The following DNMBP variants were observed in gnomAD, a reference collection of about 807,000 sequenced individuals.
The protein encoded by DNMBP is dynamin-binding protein.
A neutral mutation model predicts 150.0 loss-of-function variants in DNMBP; 87 were observed. That is an observed-to-expected ratio of 0.58 (90% CI 0.49 to 0.69). The LOEUF (loss-of-function observed/expected upper bound fraction) is 0.69, where lower values mean the gene tolerates loss of function less well. Ranked by LOEUF, DNMBP falls within the 30% of genes least tolerant of loss-of-function variation. The pLI, the probability that DNMBP is intolerant of heterozygous loss-of-function variation, is 0.00. For synonymous variants in DNMBP, 711 were observed against 750.4 expected, an observed-to-expected ratio of 0.95 and a Z score of 0.86; for missense variants, 1,774 against 1,949.0, an observed-to-expected ratio of 0.91 and a Z score of 1.69.
intron 4 of DNMBP, among the ~76,000 whole-genome samples, chr10:99,910,690 A>C (rs1368603791): frequency 6.6e-6 from 1 of 152,196 alleles, no homozygotes; most frequent in African/African-American, 2.4e-5. Flanking sequence ...AATGTGGGAG[A>C]AAGTGAAGAA....
chr10:99,940,569 G>A lies in DNMBP; in HGVS notation c.2260+14645C>T, dbSNP rs567525702. Among the ~76,000 whole-genome samples, 9 of 152,190 alleles carry A rather than the reference G, an allele frequency of 5.9e-5. No individual in the cohort carries two copies. In the East Asian group the frequency reaches 1.2e-3, roughly 20 times the overall value. Reference sequence around the variant, plus strand: ...GTGCCCATTCTAGTGGATCAGTCCCGTAAACTTATGAACGCGTACTAATGT... The same window carrying A: ...GTGCCCATTCTAGTGGATCAGTCCCATAAACTTATGAACGCGTACTAATGT... On this transcript the variant is annotated intron_variant, in intron 4 of 16. Coordinates refer to ENST00000324109, the MANE Select transcript of DNMBP (RefSeq NM_015221.4).
intron 9 of DNMBP, among the ~76,000 whole-genome samples, chr10:99,896,751 C>T (rs2039662444): frequency 6.6e-6 from 1 of 152,218 alleles, no homozygotes; most frequent in Non-Finnish European, 1.5e-5. Flanking sequence ...GAAAGCAATA[C>T]TTGTAAGGCC....
intron 4 of DNMBP, among the ~76,000 whole-genome samples, chr10:99,942,906 A>G (rs2040315822): frequency 6.6e-6 from 1 of 152,234 alleles, no homozygotes; most frequent in Non-Finnish European, 1.5e-5. Context: ...CACAAGTTGA[A>G]GATACTTGCT....
At chr10:99,948,951 G>A (rs975238150) in intron 4 of DNMBP, among the ~76,000 whole-genome samples, 45 of 149,090 alleles carry the variant, frequency 3.0e-4, no homozygotes, top group African/African-American at 1.1e-3. Flanking sequence ...CAACAAGAGT[G>A]AGACTCCATC....
At chr10:99,950,764 G>A (rs1044191148) in intron 4 of DNMBP, among the ~76,000 whole-genome samples, 1 of 152,200 alleles carries the variant, frequency 6.6e-6, no homozygotes, top group Non-Finnish European at 1.5e-5. Flanking sequence ...GGTGACTTGG[G>A]TGCTGTTAAA....
Position 99,877,092 on chromosome 10 carries a change from C to CTAA in DNMBP, c.*58_*59insTTA. The CTAA allele has an allele frequency of 1.4e-6, 2 of 1,383,394 alleles. No individual in the cohort carries two copies. The highest frequency in any genetic ancestry group is 9.5e-7 in the Non-Finnish European group (1 of 1,056,920). The allele number at this position is 1,383,394 out of a possible 1,614,324, so 85.7% of individuals were successfully genotyped here. ...AGCAGGCGCCCTCTCGGTGGGCCGCCAGAACCCTCGGCGGACTGAAAGCAA... is the reference window on the plus strand; with the variant it reads ...AGCAGGCGCCCTCTCGGTGGGCCGCCTAAAGAACCCTCGGCGGACTGAAAGCAA... On this transcript the variant is annotated 3_prime_UTR_variant, in exon 17 of 17. Transcript: ENST00000324109.
rs1398027594 is a variant in DNMBP, at chr10:99,888,898, T to C, written c.3212A>G (p.Glu1071Gly). 3 of 1,614,050 alleles carry C rather than the reference T, an allele frequency of 1.9e-6. No individual in the cohort carries two copies. The highest frequency in any genetic ancestry group is 1.3e-5 in the African/African-American group (1 of 74,914). Residue 1071 changes from glutamate (E) to glycine (G), a missense_variant, in exon 12 of 17, where the codon GAG becomes GGG. Around this residue, in one of 2 missense-constraint regions of DNMBP, gnomAD observed 1,430 missense variants for 1,492.5 expected, o/e 0.96. Coordinates refer to ENST00000324109, the MANE Select transcript of DNMBP (RefSeq NM_015221.4). ...AAVSMWDVCM[E>G]RGHRDLEQFE... is the part of the protein sequence containing the mutation. ...CTGCTCCAGGTCCCGGTGTCCTCTC[T>C]CCATGCACACATCCCACATGCTCAC... is the stretch of plus-strand genomic sequence containing the variant.
At chr10:100,006,630 A>T (rs1040482063) in intron 1 of DNMBP, among the ~76,000 whole-genome samples, 2 of 151,956 alleles carry the variant, frequency 1.3e-5, no homozygotes, top group African/African-American at 4.8e-5. Flanking sequence ...CCTTACAATG[A>T]CCTACACTGA....
At chr10:99,916,617 A>C (rs2039967628) in intron 4 of DNMBP, among the ~76,000 whole-genome samples, 1 of 151,758 alleles carries the variant, frequency 6.6e-6, no homozygotes, top group African/African-American at 2.4e-5. Flanking sequence ...GCAAAGAGGG[A>C]TAGGGGAGTA....
chr10:99,934,259 T>C (rs1340757573), intron 4 of DNMBP, among the ~76,000 whole-genome samples: 2 of 152,074 alleles, frequency 1.3e-5, no homozygotes, highest in Non-Finnish European at 1.5e-5. Context: ...AATAATTTCT[T>C]TTCTAGGCTA....
At chr10:99,948,577 C>T (rs1025599385) in intron 4 of DNMBP, among the ~76,000 whole-genome samples, 1 of 152,144 alleles carries the variant, frequency 6.6e-6, no homozygotes, top group Non-Finnish European at 1.5e-5. Context: ...AAAATGAGAA[C>T]CCATGTGACA....
intron 3 of DNMBP, 109 bp downstream of exon 3, chr10:99,969,006 C>G (rs2040648256): frequency 7.7e-7 from 1 of 1,300,358 alleles, no homozygotes. Flanking sequence ...TTGCCGAGGA[C>G]TCTCTAGAGG....
At position 99,896,275 on chromosome 10, in the gene DNMBP, C is replaced by T; in HGVS notation, c.3043G>A (p.Ala1015Thr). The T allele has an allele frequency of 6.2e-7, 1 of 1,614,044 alleles. No homozygotes were observed. Among genetic ancestry groups the T allele is most frequent in the Non-Finnish European group, 8.5e-7 (1 of 1,179,956 alleles). Residue 1015 changes from alanine (A) to threonine (T), a missense_variant, in exon 10 of 17, where the codon GCT becomes ACT. Transcript: ENST00000324109. ...SSHLKHLTGF[A>T]PQIKDEVFEE... ...CAGGATGGGGATCTCACCTGAGGAG[C>T]AAAGCCAGTGAGATGCTTCAGGTGA...
At chr10:100,006,125 G>T (rs1388551694) in intron 1 of DNMBP, among the ~76,000 whole-genome samples, 1 of 152,176 alleles carries the variant, frequency 6.6e-6, no homozygotes, top group Admixed American at 6.5e-5. Context: ...TTTCAATCAG[G>T]AAGGGAAAAT....
chr10:99,877,480 C>G (rs2039294934), intron 16 of DNMBP, 144 bp from the exon 17 acceptor site: 1 of 553,848 alleles, frequency 1.8e-6, no homozygotes, highest in Non-Finnish European at 3.1e-6. Context: ...GACAGAGGAA[C>G]TGAATTTTTA....
chr10:99,987,245 G>A (rs2040837988), intron 1 of DNMBP, among the ~76,000 whole-genome samples: 1 of 149,596 alleles, frequency 6.7e-6, no homozygotes, highest in African/African-American at 2.5e-5. Context: ...GCTCATGCTT[G>A]TAATCCGAGC....
chr10:99,879,584 C>T (rs1050793593), intron 16 of DNMBP, among the ~76,000 whole-genome samples: 1 of 152,142 alleles, frequency 6.6e-6, no homozygotes, highest in African/African-American at 2.4e-5. Context: ...CTTTTAAACA[C>T]CCAGTGACAC....
rs150280720 is a variant in DNMBP at position 99,923,570 on chromosome 10, C to G, written c.2261-14424G>C. On this transcript the variant is annotated intron_variant, in intron 4 of 16. Transcript: ENST00000324109. ...GTACCTGAGCTGTATCTCAGTGATA[C>G]AGCTATGGAGGTGGCTCACCTCCAT... 5.5e-4 allele frequency among the ~76,000 whole-genome samples: 84 copies of G among 152,152 alleles called. No homozygotes were observed. In the East Asian group the frequency reaches 0.016, roughly 28 times the overall value.
chr10:99,988,796 G>C (rs932721282), intron 1 of DNMBP, among the ~76,000 whole-genome samples: 15 of 152,038 alleles, frequency 9.9e-5, no homozygotes, highest in Admixed American at 2.6e-4. Context: ...CGAGGAGCTG[G>C]GACTACAGGC....
Sources: allele counts gnomAD v4.1 joint callset (sites outside exome capture counted in the v4.1 genomes callset), GRCh38; gene constraint gnomAD v4.1.1; regional missense constraint gnomAD v4.1.1; transcripts MANE v1.5; gene names NCBI Gene and HGNC (gene_info 2026-07-23, HGNC 2026-07-21).